Variants in DNAJB13 observed in about 807,000 individuals in gnomAD.
DNAJB13 encodes the protein DnaJ heat shock protein family (Hsp40) member B13.
Under a neutral mutation model 35.6 loss-of-function variants are expected in DNAJB13, and 22 were observed. The ratio of observed to expected loss-of-function variants is 0.62; its 90% confidence interval spans 0.44 to 0.88. The LOEUF is 0.88. Among genes scored for constraint, DNAJB13 ranks in the 40% least tolerant of loss-of-function variants. The probability of loss-of-function intolerance (pLI) is 0.00; values close to 1 mark genes in which losing one functional copy is unlikely to be tolerated. For synonymous variants in DNAJB13, 136 were observed against 144.2 expected, an observed-to-expected ratio of 0.94 and a Z score of 0.41; for missense variants, 370 against 384.3, an observed-to-expected ratio of 0.96 and a Z score of 0.31.
intron 3 of DNAJB13, chr11:73,959,912 G>A (rs554773411): frequency 1.3e-5 from 3 of 223,132 alleles, no homozygotes; most frequent in Non-Finnish European, 2.6e-5. Context: ...ACAGGCGCAC[G>A]CTGCCACACC....
intron 3 of DNAJB13, among the ~76,000 whole-genome samples, chr11:73,962,245 A>T (rs1009608942): frequency 6.6e-6 from 1 of 152,166 alleles, no homozygotes; most frequent in Non-Finnish European, 1.5e-5. Context: ...TTGTCTCCCT[A>T]CCAGACTGGG....
chr11:73,959,409 T>C, intron 2 of DNAJB13, 85 bp from the exon 3 acceptor site: 1 of 1,490,702 alleles, frequency 6.7e-7, no homozygotes, highest in Non-Finnish European at 9.1e-7. Context: ...CCCTTCCCTT[T>C]CTCCATATCC....
chr11:73,959,343 G>A, intron 2 of DNAJB13, 151 bp from the exon 3 acceptor site: 2 of 756,896 alleles, frequency 2.6e-6, no homozygotes, highest in Non-Finnish European at 2.0e-6. Flanking sequence ...TGACTCCTAG[G>A]GTCTCATTCC....
At chr11:73,964,810 T>TGAGCGCGC in intron 3 of DNAJB13, 68 bp from the exon 4 acceptor site, 1 of 704,244 alleles carries the variant, frequency 1.4e-6, no homozygotes, top group African/African-American at 2.3e-5. Flanking sequence ...TGTGTGTGTG[T>TGAGCGCGC]GTGCGCGCGC....
intron 4 of DNAJB13, chr11:73,965,792 A>G: frequency 4.3e-6 from 1 of 231,074 alleles, no homozygotes; most frequent in Non-Finnish European, 8.6e-6. Context: ...CATTTTCACC[A>G]TGTATCTGTT....
Position 73,953,842 on chromosome 11 carries a change from T to C in DNAJB13, c.68+2705T>C, listed in dbSNP as rs932201060. On this transcript the variant is annotated intron_variant, in intron 1 of 7. Transcript: ENST00000339764. ...CTGAAACCCCGTCTCTACTAAAAAA[T>C]ACAAAAAATTAGCCGGGCACCTGTA... is the stretch of plus-strand genomic sequence containing the variant. Among the ~76,000 whole-genome samples, 6 of 151,136 alleles carry C rather than the reference T, an allele frequency of 4.0e-5. No homozygotes were observed. The South Asian group carries it at 6.3e-4, about 16-fold the overall frequency.
At position 73,951,087 on chromosome 11, in the gene DNAJB13, C is replaced by T. The variant is rs971152904; in HGVS notation, c.18C>T (p.Tyr6=). The change falls in exon 1 of 8, where the codon TAC becomes TAT. Residue 6 remains tyrosine (Y), a synonymous_variant. Coordinates refer to ENST00000339764, the MANE Select transcript of DNAJB13 (RefSeq NM_153614.4). ...AGCCAGCCATGGGCCAGGATTATTA[C>T]TCTGTGCTCGGGATCACTCGCAATT... MGQDY[Y]SVLGITRNSE... is the part of the protein sequence containing the mutation. 1 of 1,614,118 alleles carries T rather than the reference C, an allele frequency of 6.2e-7. No individual in the cohort carries two copies. The highest frequency in any genetic ancestry group is 1.1e-5 in the South Asian group (1 of 91,076).
rs1345630268 is a variant in DNAJB13 at position 73,970,083 on chromosome 11, A to C, written c.920A>C (p.Lys307Thr). 2 of 1,609,720 alleles carry C rather than the reference A, an allele frequency of 1.2e-6. No homozygotes were observed. Among genetic ancestry groups the C allele is most frequent in the South Asian group, 2.2e-5 (2 of 89,814 alleles). The change falls in exon 8 of 8, where the codon AAG (lysine) becomes ACG (threonine). Residue 307 changes from lysine (K) to threonine (T), a missense_variant. Physicochemically the swap from Lys to Thr is moderately conservative, Grantham distance 78 (BLOSUM62 -1). Coordinates refer to ENST00000339764, the MANE Select transcript of DNAJB13 (RefSeq NM_153614.4). ...CCCACCCGCCTCACACCCCAGAAGA[A>C]GCAGATGCTGCGCCAGGCATTGCTG... is the stretch of plus-strand genomic sequence containing the variant. ...QFPTRLTPQK[K>T]QMLRQALLT is the part of the protein sequence containing the mutation.
At position 73,968,043 on chromosome 11, in the gene DNAJB13, T is replaced by G; in HGVS notation, c.607-302T>G. The G allele has an allele frequency of 6.0e-6, 3 of 496,508 alleles. No homozygotes were observed. In the South Asian group the frequency reaches 1.2e-4, roughly 20 times the overall value. 30.8% of individuals were successfully genotyped at this position (496,508 alleles called of 1,614,324 possible). ...AGACAGAGACATACGGGCAGTTGCCTGACGCCCAGCTTAGTGTTCCACCTG... is the reference window on the plus strand; with the variant it reads ...AGACAGAGACATACGGGCAGTTGCCGGACGCCCAGCTTAGTGTTCCACCTG... On this transcript the variant is annotated intron_variant, in intron 5 of 7. Transcript: ENST00000339764.
chr11:73,953,594 C>CT (rs1451109608), intron 1 of DNAJB13, among the ~76,000 whole-genome samples: 1 of 152,154 alleles, frequency 6.6e-6, no homozygotes, highest in East Asian at 1.9e-4. Context: ...CAATGTTCTT[C>CT]TATACAATGT....
At chr11:73,961,223 T>C (rs1950924063) in intron 3 of DNAJB13, among the ~76,000 whole-genome samples, 2 of 152,142 alleles carry the variant, frequency 1.3e-5, no homozygotes, top group African/African-American at 4.8e-5. Context: ...GAGGCTGCAG[T>C]GAGCCAAGAT....
rs763927101 is a variant in DNAJB13, at chr11:73,964,958, C to T, written c.415C>T (p.Gln139Ter). The change falls in exon 4 of 8, where the codon CAA (glutamine) becomes TAA (stop). Residue 139 changes from glutamine (Q) to a stop codon, truncating the protein, a stop_gained. Transcript: ENST00000339764. LOFTEE classifies it high-confidence loss of function. ...CCGAGGGGTCAAGAAGCAGGACCCC[C>T]AAGTCGAACGGGATCTCTACCTGTC... ...QGRGVKKQDP[Q>*]VERDLYLSLE... The T allele has an allele frequency of 6.2e-7, 1 of 1,612,982 alleles. No individual in the cohort carries two copies. Among genetic ancestry groups the T allele is most frequent in the Non-Finnish European group, 8.5e-7 (1 of 1,179,794 alleles).
chr11:73,956,033 A>T (rs1458186089), intron 1 of DNAJB13, among the ~76,000 whole-genome samples: 1 of 152,168 alleles, frequency 6.6e-6, no homozygotes, highest in African/African-American at 2.4e-5. Flanking sequence ...CCACAGTGAG[A>T]TGGACTGTCC....
At chr11:73,959,771 AT>A (rs908065622) in intron 3 of DNAJB13, 116 bp downstream of exon 3, 151 of 1,088,492 alleles carry the variant, frequency 1.4e-4, no homozygotes, top group South Asian at 4.3e-4. Context: ...TTATTTACTT[AT>A]TTTTTTTGGA....
At chr11:73,968,626 CG>C (rs1262218627) in intron 6 of DNAJB13, among the ~76,000 whole-genome samples, 168 bp downstream of exon 6, 2 of 152,164 alleles carry the variant, frequency 1.3e-5, no homozygotes, top group African/African-American at 4.8e-5. Flanking sequence ...TCATCTGCAC[CG>C]CCTGGATCTG....
chr11:73,964,631 T>G, intron 3 of DNAJB13: 1 of 468,854 alleles, frequency 2.1e-6, no homozygotes, highest in Non-Finnish European at 3.8e-6. Flanking sequence ...CAGTGGGAAA[T>G]GGCAAAGGAT....
At chr11:73,968,670 C>G (rs1270642239) in intron 6 of DNAJB13, among the ~76,000 whole-genome samples, 3 of 152,194 alleles carry the variant, frequency 2.0e-5, no homozygotes, top group Non-Finnish European at 2.9e-5. Flanking sequence ...CCTTCCTCCC[C>G]ACTTCTCATC....
intron 3 of DNAJB13, 35 bp downstream of exon 3, chr11:73,959,690 A>G: frequency 6.3e-7 from 1 of 1,596,940 alleles, no homozygotes; most frequent in Non-Finnish European, 8.6e-7. Flanking sequence ...TGCCTTATAG[A>G]GAAAGGACAC....
chr11:73,959,326 G>T (rs1950856014), intron 2 of DNAJB13, among the ~76,000 whole-genome samples, 168 bp from the exon 3 acceptor site: 1 of 151,820 alleles, frequency 6.6e-6, no homozygotes, highest in South Asian at 2.1e-4. Context: ...GAATGAAATG[G>T]AACGCCTGAC....
Sources: allele counts gnomAD v4.1 joint callset (sites outside exome capture counted in the v4.1 genomes callset), GRCh38; gene constraint gnomAD v4.1.1; transcripts MANE v1.5; gene names NCBI Gene and HGNC (gene_info 2026-07-23, HGNC 2026-07-21).